Variants in BBX observed in about 807,000 individuals in gnomAD.
BBX encodes the protein BBX high mobility group box domain containing.
BBX carries 30 observed loss-of-function variants against 100.2 expected under a neutral mutation model. The observed-to-expected ratio is 0.30, with a 90% CI of 0.22 to 0.41. The LOEUF is 0.41. Ranked by LOEUF, BBX falls within the 10% of genes least tolerant of loss-of-function variation. The pLI is 1.00. For missense variants in BBX, 1,023 were observed against 1,129.8 expected, an observed-to-expected ratio of 0.91 and a Z score of 1.35; for synonymous variants, 376 against 388.1, an observed-to-expected ratio of 0.97 and a Z score of 0.37.
At chr3:107,687,265 A>AG (rs1381731055) in intron 3 of BBX, among the ~76,000 whole-genome samples, 1 of 152,124 alleles carries the variant, frequency 6.6e-6, no homozygotes, top group African/African-American at 2.4e-5. Context: ...TGGGAAAAAC[A>AG]GGGAGTGAGA....
chr3:107,759,812 A>G (rs1392415381), intron 10 of BBX, among the ~76,000 whole-genome samples: 1 of 152,208 alleles, frequency 6.6e-6, no homozygotes, highest in Non-Finnish European at 1.5e-5. Context: ...AGAGTATTTT[A>G]AAGTGTGACT....
chr3:107,698,475 AC>A (rs1389593825), intron 3 of BBX, among the ~76,000 whole-genome samples: 3 of 151,260 alleles, frequency 2.0e-5, no homozygotes, highest in Non-Finnish European at 4.4e-5. Flanking sequence ...ATATGGTGAA[AC>A]CCCATCTCTA....
At chr3:107,789,994 C>T (rs766737929) in intron 14 of BBX, 118 bp downstream of exon 14, 21 of 680,170 alleles carry the variant, frequency 3.1e-5, no homozygotes, top group Non-Finnish European at 4.6e-5. Flanking sequence ...TGCTTCAGTG[C>T]CATCAGCTCC....
At chr3:107,583,999 T>TA (rs372941517) in intron 2 of BBX, among the ~76,000 whole-genome samples, 717 of 57,486 alleles carry the variant, frequency 0.012, 90 homozygotes, top group African/African-American at 0.037. Flanking sequence ...TATTATTATA[T>TA]TATTATATAT....
At chr3:107,678,262 A>T (rs958485498) in intron 3 of BBX, among the ~76,000 whole-genome samples, 2 of 151,396 alleles carry the variant, frequency 1.3e-5, no homozygotes, top group African/African-American at 4.9e-5. Context: ...CTACCCACAG[A>T]TTTTTGACAT....
intron 2 of BBX, among the ~76,000 whole-genome samples, chr3:107,542,490 A>G (rs2048929469): frequency 6.6e-6 from 1 of 152,230 alleles, no homozygotes; most frequent in Non-Finnish European, 1.5e-5. Flanking sequence ...GTGGTTAGAA[A>G]CTATGAACTT....
intron 3 of BBX, among the ~76,000 whole-genome samples, chr3:107,681,456 A>G (rs946832289): frequency 7.9e-5 from 12 of 152,224 alleles, no homozygotes; most frequent in Admixed American, 2.6e-4. Context: ...GTGTTTAGAA[A>G]TTCGTGGGAC....
At chr3:107,642,772 GT>G (rs1351005457) in intron 2 of BBX, among the ~76,000 whole-genome samples, 1 of 152,026 alleles carries the variant, frequency 6.6e-6, no homozygotes, top group Non-Finnish European at 1.5e-5. Flanking sequence ...GGAGAGGCAT[GT>G]GTACCATGCA....
chr3:107,617,228 A>G (rs145304169), intron 2 of BBX, among the ~76,000 whole-genome samples: 2 of 152,226 alleles, frequency 1.3e-5, no homozygotes, highest in Admixed American at 6.5e-5. Flanking sequence ...TGGGTTCTCT[A>G]TGCTGTTCCG....
intron 3 of BBX, among the ~76,000 whole-genome samples, chr3:107,657,421 A>G (rs1045591481): frequency 1.3e-5 from 2 of 152,256 alleles, no homozygotes; most frequent in South Asian, 4.1e-4. Flanking sequence ...GTGTTTAGTT[A>G]TCGTAAATTT....
intron 2 of BBX, among the ~76,000 whole-genome samples, chr3:107,631,787 T>G (rs2056563844): frequency 2.0e-5 from 3 of 152,182 alleles, no homozygotes; most frequent in African/African-American, 4.8e-5. Flanking sequence ...TTTTCTGCCT[T>G]GTGTCGTCTA....
intron 2 of BBX, among the ~76,000 whole-genome samples, chr3:107,569,450 C>T (rs1339506275): frequency 2.6e-5 from 4 of 151,376 alleles, no homozygotes; most frequent in South Asian, 2.1e-4. Flanking sequence ...TGGGTGCAGG[C>T]GGGCTGAGTC....
At chr3:107,802,687 C>T (rs1483727932) in intron 17 of BBX, among the ~76,000 whole-genome samples, 2 of 152,220 alleles carry the variant, frequency 1.3e-5, no homozygotes, top group African/African-American at 4.8e-5. Flanking sequence ...CGTGGTCACA[C>T]CGTTGCTCTG....
intron 13 of BBX, among the ~76,000 whole-genome samples, chr3:107,779,074 TTTAGTA>T (rs1339704777): frequency 1.4e-5 from 2 of 146,186 alleles, no homozygotes; most frequent in African/African-American, 2.5e-5. Flanking sequence ...AAATGCTTTG[TTTAGTA>T]TATTCATTTT....
chr3:107,580,677 G>A lies in BBX; in HGVS notation c.-84+54279G>A, dbSNP rs150799035. ...CAGAGTTTTGCTCTTTTTTGCCCAA[G>A]CTGGAGTGCAGTGGCACGATCTTGG... On this transcript the variant is annotated intron_variant, in intron 2 of 17. Transcript: ENST00000325805. Among the ~76,000 whole-genome samples, 990 of 151,954 alleles carry A rather than the reference G, an allele frequency of 6.5e-3. 15 individuals carry two copies. Among genetic ancestry groups the A allele is most frequent in the African/African-American group, 0.022 (912 of 41,440 alleles).
Position 107,774,707 on chromosome 3 carries a change from G to A in BBX, c.1916-12G>A. ...GTATACCAAACACATCCTTTCTCTT[G>A]AATTTTCTTAGGAAAACGAAGCTCA... On this transcript the variant is annotated splice_polypyrimidine_tract_variant and intron_variant, in intron 11 of 17. Transcript: ENST00000325805. 1 of 1,611,306 alleles carries A rather than the reference G, an allele frequency of 6.2e-7. No homozygotes were observed. The highest frequency in any genetic ancestry group is 8.5e-7 in the Non-Finnish European group (1 of 1,178,782).
intron 13 of BBX, among the ~76,000 whole-genome samples, chr3:107,789,324 C>G (rs955753944): frequency 2.0e-5 from 3 of 152,140 alleles, no homozygotes; most frequent in Non-Finnish European, 4.4e-5. Context: ...TCATAAAAGG[C>G]CAGAAAGCTA....
At chr3:107,676,692 G>T (rs935619614) in intron 3 of BBX, among the ~76,000 whole-genome samples, 9 of 152,104 alleles carry the variant, frequency 5.9e-5, no homozygotes, top group African/African-American at 2.2e-4. Flanking sequence ...CTTATTCTTT[G>T]TGGTAGTGGC....
chr3:107,570,189 G>A (rs1407883118), intron 2 of BBX, among the ~76,000 whole-genome samples: 1 of 152,202 alleles, frequency 6.6e-6, no homozygotes, highest in Non-Finnish European at 1.5e-5. Flanking sequence ...AGATGTGGCT[G>A]AGGTTTCTCT....
Sources: allele counts gnomAD v4.1 joint callset (sites outside exome capture counted in the v4.1 genomes callset), GRCh38; gene constraint gnomAD v4.1.1; transcripts MANE v1.5; gene names NCBI Gene and HGNC (gene_info 2026-07-23, HGNC 2026-07-21).